The following GALNT8 variants were observed in gnomAD, a reference collection of about 807,000 sequenced individuals.
GALNT8 encodes probable polypeptide N-acetylgalactosaminyltransferase 8.
GALNT8 carries 66 observed loss-of-function variants against 62.7 expected under a neutral mutation model. The ratio of observed to expected loss-of-function variants is 1.05; its 90% CI spans 0.86 to 1.29. The LOEUF (loss-of-function observed/expected upper bound fraction) is 1.29. Ranked by LOEUF, GALNT8 falls within the 50% of genes most tolerant of loss-of-function variation. The probability of loss-of-function intolerance (pLI) is 0.00; values close to 1 mark genes in which losing one functional copy is unlikely to be tolerated. For synonymous variants in GALNT8, 288 were observed against 294.3 expected (o/e 0.98, Z 0.22); for missense variants, 771 against 791.8 (o/e 0.97, Z 0.32).
At chr12:4,753,465 G>T (rs7953399) in intron 6 of GALNT8, among the ~76,000 whole-genome samples, 1 of 151,804 alleles carries the variant, frequency 6.6e-6, no homozygotes, top group African/African-American at 2.4e-5. Flanking sequence ...AAAGATACTG[G>T]TGCATTCTTC....
intron 1 of GALNT8, among the ~76,000 whole-genome samples, chr12:4,721,826 G>A (rs184518186): frequency 1.1e-3 from 172 of 152,338 alleles, no homozygotes; most frequent in African/African-American, 3.8e-3. Flanking sequence ...CTTCCCACGA[G>A]GCCATATTTC....
chr12:4,741,741 T>C (rs1025325230), intron 3 of GALNT8, among the ~76,000 whole-genome samples: 2 of 152,202 alleles, frequency 1.3e-5, no homozygotes, highest in Admixed American at 6.5e-5. Flanking sequence ...AGCTTTCTTA[T>C]TGCTCTAAGC....
At chr12:4,740,622 C>T (rs1051212502) in intron 3 of GALNT8, among the ~76,000 whole-genome samples, 3 of 152,146 alleles carry the variant, frequency 2.0e-5, no homozygotes, top group Admixed American at 6.5e-5. Flanking sequence ...TGGGGTTTCA[C>T]CATGTTGGCC....
chr12:4,721,027 A>G (rs1414844702), intron 1 of GALNT8, 139 bp downstream of exon 1: 12 of 633,886 alleles, frequency 1.9e-5, no homozygotes, highest in Non-Finnish European at 3.4e-5. Context: ...TCTGACACTG[A>G]ATTCTGTGCC....
intron 6 of GALNT8, among the ~76,000 whole-genome samples, chr12:4,752,101 A>T (rs903534487): frequency 6.6e-6 from 1 of 152,018 alleles, no homozygotes; most frequent in Admixed American, 6.6e-5. Flanking sequence ...ATTGGTATGG[A>T]ATATCTTTTT....
intron 6 of GALNT8, among the ~76,000 whole-genome samples, chr12:4,754,066 C>T (rs1033921660): frequency 6.6e-6 from 1 of 152,134 alleles, no homozygotes; most frequent in Non-Finnish European, 1.5e-5. Flanking sequence ...TTCTGAGCTA[C>T]CTAAAGCTGG....
intron 2 of GALNT8, among the ~76,000 whole-genome samples, chr12:4,732,199 G>T (rs1324791584): frequency 6.6e-6 from 1 of 152,196 alleles, no homozygotes; most frequent in Non-Finnish European, 1.5e-5. Flanking sequence ...ATTAGTTTAT[G>T]TGTTCCACAC....
chr12:4,770,351 A>G (rs1377885876), intron 10 of GALNT8, among the ~76,000 whole-genome samples: 1 of 152,044 alleles, frequency 6.6e-6, no homozygotes, highest in Non-Finnish European at 1.5e-5. Context: ...AATCAAACCC[A>G]AAACAAAAAT....
intron 7 of GALNT8, among the ~76,000 whole-genome samples, chr12:4,762,572 G>A (rs986996238): frequency 6.6e-6 from 1 of 152,164 alleles, no homozygotes; most frequent in Non-Finnish European, 1.5e-5. Context: ...AGCAATCTGC[G>A]TAAGCTTATG....
At chr12:4,728,706 G>A (rs559835293) in intron 2 of GALNT8, among the ~76,000 whole-genome samples, 5 of 152,096 alleles carry the variant, frequency 3.3e-5, no homozygotes, top group South Asian at 4.2e-4. Context: ...ATCCTCTTTC[G>A]TTGCTGTATA....
intron 3 of GALNT8, among the ~76,000 whole-genome samples, chr12:4,741,025 A>G (rs1231218132): frequency 3.9e-5 from 6 of 152,234 alleles, no homozygotes; most frequent in Non-Finnish European, 7.3e-5. Context: ...GAGTAGAATT[A>G]AGTTACAAAA....
chr12:4,741,232 A>G (rs558000374), intron 3 of GALNT8, among the ~76,000 whole-genome samples: 50 of 152,276 alleles, frequency 3.3e-4, no homozygotes, highest in South Asian at 1.5e-3. Flanking sequence ...AAATACTTAT[A>G]TTCATCCTTT....
chr12:4,768,528 C>T, intron 10 of GALNT8: 2 of 316,620 alleles, frequency 6.3e-6, no homozygotes, highest in South Asian at 5.7e-5. Flanking sequence ...GCCTTCTCAG[C>T]TGACTGAGGC....
At position 4,741,889 on chromosome 12, in the gene GALNT8, G is replaced by C. The variant is rs148959045; in HGVS notation, c.676+2560G>C. Among the ~76,000 whole-genome samples the C allele has an allele frequency of 5.7e-3, 874 of 152,334 alleles. 8 individuals are homozygous for C. The highest frequency in any genetic ancestry group is 0.011 in the Admixed American group (170 of 15,304). ...GTGTTACAGGGACAGGAATTAGAGAGTCTCTGTCATTAACCACGAAAACAC... is the reference window on the plus strand; with the variant it reads ...GTGTTACAGGGACAGGAATTAGAGACTCTCTGTCATTAACCACGAAAACAC... On this transcript the variant is annotated intron_variant, in intron 3 of 10. Transcript: ENST00000252318.
At chr12:4,766,155 C>T (rs1397038394) in intron 10 of GALNT8, among the ~76,000 whole-genome samples, 8 of 152,142 alleles carry the variant, frequency 5.3e-5, no homozygotes, top group African/African-American at 9.7e-5. Context: ...CTTGTGGCCC[C>T]GTGTAGGGAA....
intron 3 of GALNT8, among the ~76,000 whole-genome samples, chr12:4,741,605 CTA>C (rs1208632390): frequency 6.6e-6 from 1 of 151,982 alleles, no homozygotes; most frequent in Non-Finnish European, 1.5e-5. Flanking sequence ...ATACTATACT[CTA>C]TGGCCTATAC....
chr12:4,753,168 T>A (rs1469172700), intron 6 of GALNT8, among the ~76,000 whole-genome samples: 1 of 152,234 alleles, frequency 6.6e-6, no homozygotes, highest in Non-Finnish European at 1.5e-5. Context: ...ATCTGCTTAG[T>A]GTTCTGTAAC....
At chr12:4,752,758 C>T (rs1328704606) in intron 6 of GALNT8, among the ~76,000 whole-genome samples, 3 of 152,118 alleles carry the variant, frequency 2.0e-5, no homozygotes, top group Non-Finnish European at 4.4e-5. Flanking sequence ...TACTGACTAT[C>T]ACCAGTGAAT....
At chr12:4,761,617 GT>G (rs71445635) in intron 7 of GALNT8, among the ~76,000 whole-genome samples, 2 of 150,412 alleles carry the variant, frequency 1.3e-5, no homozygotes, top group South Asian at 2.1e-4. Context: ...TCTTTTTTAA[GT>G]TTTTTTTTTG....
Sources: allele counts gnomAD v4.1 joint callset (sites outside exome capture counted in the v4.1 genomes callset), GRCh38; gene constraint gnomAD v4.1.1; transcripts MANE v1.5; gene names NCBI Gene and HGNC (gene_info 2026-07-23, HGNC 2026-07-21).